The following TRPC7 variants were observed in gnomAD, a reference collection of about 807,000 sequenced individuals.
TRPC7 encodes the protein short transient receptor potential channel 7.
In TRPC7, 42 loss-of-function variants were observed where a neutral mutation model predicts 90.1. The ratio of observed to expected loss-of-function variants is 0.47; its 90% confidence interval spans 0.36 to 0.60. The LOEUF is 0.60. TRPC7 is among the 20% of genes least tolerant of loss of function. TRPC7 has a pLI of 0.00. For synonymous variants in TRPC7, 451 were observed against 436.3 expected (o/e 1.03, Z -0.42); for missense variants, 955 against 1,112.3 (o/e 0.86, Z 2.01).
rs932464297 is a variant in TRPC7 at position 136,247,822 on chromosome 5, C to T, written c.1580-87G>A. ...GTTAGGCATCTTTAGAGGTCTCCAA[C>T]TGCATCATTTGCCATTCTTGTCCTT... On this transcript the variant is annotated intron_variant, in intron 6 of 11. Coordinates refer to ENST00000513104, the MANE Select transcript of TRPC7 (RefSeq NM_020389.3). This position sits in a 1 kb window ranked among gnomAD's most constrained non-coding sequence, Gnocchi z 4.2. The T allele has an allele frequency of 1.4e-6, 2 of 1,472,652 alleles. No homozygotes were observed. The highest frequency in any genetic ancestry group is 9.1e-7 in the Non-Finnish European group (1 of 1,094,398). The allele number at this position is 1,472,652 out of a possible 1,614,324, so 91.2% of individuals were successfully genotyped here. A position where few individuals can be genotyped will look rare whatever the true frequency, so the allele number is the denominator to read the frequency against.
chr5:136,324,870 C>T lies in TRPC7; in HGVS notation c.781-9091G>A, dbSNP rs528667355. Among the ~76,000 whole-genome samples, 40 of 152,286 alleles carry T rather than the reference C, an allele frequency of 2.6e-4. No homozygotes were observed. The South Asian group carries it at 8.3e-3, about 32-fold the overall frequency. ...AATACAGGATAATTAACACTCATTC[C>T]TTAATGGAGATCTTAGAAATTAGAT... is the stretch of plus-strand genomic sequence containing the variant. On this transcript the variant is annotated intron_variant, in intron 2 of 11. Transcript: ENST00000513104.
chr5:136,365,350 T>C lies in TRPC7; in HGVS notation c.-96A>G, dbSNP rs558929101. 3 of 1,271,712 alleles carry C rather than the reference T, an allele frequency of 2.4e-6. No individual in the cohort carries two copies. The East Asian group carries it at 7.6e-5, about 32-fold the overall frequency. The allele number at this position is 1,271,712 out of a possible 1,614,324, so 78.8% of individuals were successfully genotyped here. ...GCTCCCCATGGGTGGTAGCCAAGGATGTACCGCTCTCCGTGGTGCTGAAGT... is the reference window on the plus strand; with the variant it reads ...GCTCCCCATGGGTGGTAGCCAAGGACGTACCGCTCTCCGTGGTGCTGAAGT... On this transcript the variant is annotated 5_prime_UTR_variant, in exon 1 of 12. Transcript: ENST00000513104.
chr5:136,213,669 C>T, intron 11 of TRPC7, 65 bp from the exon 12 acceptor site: 1 of 1,536,322 alleles, frequency 6.5e-7, no homozygotes, highest in South Asian at 1.2e-5. Context: ...GTCCCATGCA[C>T]ATGTGGGCAT....
At chr5:136,346,847 C>T (rs1245166104) in intron 2 of TRPC7, among the ~76,000 whole-genome samples, 1 of 152,074 alleles carries the variant, frequency 6.6e-6, no homozygotes, top group Non-Finnish European at 1.5e-5. Flanking sequence ...ACCCCGCAGC[C>T]CAATGCATGT....
chr5:136,275,245 C>T (rs2149815659), intron 3 of TRPC7, among the ~76,000 whole-genome samples: 1 of 152,244 alleles, frequency 6.6e-6, no homozygotes, highest in Non-Finnish European at 1.5e-5. Flanking sequence ...GTTTTGGAGT[C>T]AGACATGGGT....
At chr5:136,289,564 A>T (rs1757857779) in intron 3 of TRPC7, among the ~76,000 whole-genome samples, 2 of 152,202 alleles carry the variant, frequency 1.3e-5, no homozygotes, top group South Asian at 4.1e-4. Flanking sequence ...GCAGTCTGAG[A>T]TCAAACTGCA....
At chr5:136,311,103 T>C (rs1177441756) in intron 3 of TRPC7, among the ~76,000 whole-genome samples, 1 of 152,172 alleles carries the variant, frequency 6.6e-6, no homozygotes, top group African/African-American at 2.4e-5. Flanking sequence ...TTAAGGCCTC[T>C]CTCATGCAAA....
rs961855835 is a variant in TRPC7, at chr5:136,220,402, T to TG, written c.2344-4128dup. On this transcript the variant is annotated intron_variant, in intron 10 of 11. Transcript: ENST00000513104. ...AGACCCTGGGAAAGGAATGCATTCC[T>TG]GGGGGGCAGTCTATAAATGGCCGCT... is the stretch of plus-strand genomic sequence containing the variant. Among the ~76,000 whole-genome samples the TG allele has an allele frequency of 2.8e-4, 42 of 152,264 alleles. 1 individual carries two copies. The highest frequency in any genetic ancestry group is 9.1e-4 in the African/African-American group (38 of 41,554).
chr5:136,302,030 A>G (rs1330769490), intron 3 of TRPC7, among the ~76,000 whole-genome samples: 1 of 151,394 alleles, frequency 6.6e-6, no homozygotes, highest in African/African-American at 2.4e-5. Flanking sequence ...CTATCCCTCA[A>G]CCTCTTTCTC....
chr5:136,216,133 G>A, intron 11 of TRPC7, 67 bp downstream of exon 11: 2 of 1,321,986 alleles, frequency 1.5e-6, no homozygotes, highest in Non-Finnish European at 2.1e-6. Context: ...TGTGGCCGTA[G>A]CCCAGTGAGA....
chr5:136,243,603 G>C lies in TRPC7; in HGVS notation c.1844+3868C>G, dbSNP rs1307566154. ...GTGAAGTTGTTTGACTTCATCATCA[G>C]CATGGCTGGCACTCAGAACAGCTTT... On this transcript the variant is annotated intron_variant, in intron 7 of 11. Transcript: ENST00000513104. 3.3e-5 allele frequency among the ~76,000 whole-genome samples: 5 copies of C among 152,092 alleles called. No homozygotes were observed. The East Asian group carries it at 9.7e-4, about 29-fold the overall frequency.
At chr5:136,290,705 G>A (rs1757913209) in intron 3 of TRPC7, among the ~76,000 whole-genome samples, 1 of 152,144 alleles carries the variant, frequency 6.6e-6, no homozygotes, top group African/African-American at 2.4e-5. Context: ...GAACCAAGTT[G>A]GAAAACACTC....
intron 10 of TRPC7, among the ~76,000 whole-genome samples, chr5:136,224,843 C>T (rs192731661): frequency 1.8e-3 from 275 of 152,360 alleles, no homozygotes; most frequent in Non-Finnish European, 3.1e-3. Flanking sequence ...TTCTCTTCCT[C>T]TGCCTGGAAG....
At chr5:136,232,237 T>A (rs955605490) in intron 7 of TRPC7, among the ~76,000 whole-genome samples, 2 of 152,194 alleles carry the variant, frequency 1.3e-5, no homozygotes, top group African/African-American at 4.8e-5. Flanking sequence ...CCCTAACCAT[T>A]TCTTCTCAGA....
At chr5:136,310,162 C>A (rs182300399) in intron 3 of TRPC7, among the ~76,000 whole-genome samples, 2 of 152,186 alleles carry the variant, frequency 1.3e-5, no homozygotes, top group Non-Finnish European at 2.9e-5. Context: ...TGTCTCTTCT[C>A]ACCACAGGGC....
intron 2 of TRPC7, among the ~76,000 whole-genome samples, chr5:136,324,794 G>A (rs189902819): frequency 6.6e-6 from 1 of 152,068 alleles, no homozygotes; most frequent in Non-Finnish European, 1.5e-5. Flanking sequence ...TATCCTGATC[G>A]GTCAAAAGTT....
intron 8 of TRPC7, among the ~76,000 whole-genome samples, chr5:136,227,375 C>T (rs1415864862): frequency 6.6e-6 from 1 of 152,182 alleles, no homozygotes; most frequent in African/African-American, 2.4e-5. Context: ...GCTTCCCTCA[C>T]ATAGCCCTGA....
intron 3 of TRPC7, among the ~76,000 whole-genome samples, chr5:136,305,994 C>T (rs344829): frequency 0.33 from 49,645 of 151,938 alleles, 8,503 homozygotes; most frequent in South Asian, 0.51. Flanking sequence ...TTCCAGACAC[C>T]GGACCAACTT....
chr5:136,296,228 A>G (rs979964911), intron 3 of TRPC7, among the ~76,000 whole-genome samples: 11 of 152,156 alleles, frequency 7.2e-5, no homozygotes, highest in Admixed American at 3.9e-4. Flanking sequence ...CAAAAATAGT[A>G]TTTTACATCT....
Sources: gnomAD v4.1 joint callset for allele counts (sites outside exome capture counted in the v4.1 genomes callset) on GRCh38, gnomAD v4.1.1 for gene constraint, Gnocchi (gnomAD v3.1) non-coding constraint, MANE v1.5 for transcripts, NCBI Gene and HGNC (gene_info 2026-07-23, HGNC 2026-07-21) for gene names.